The following ADAMTS18 variants were observed in gnomAD, a reference collection of about 807,000 sequenced individuals.
ADAMTS18 encodes the protein ADAM metallopeptidase with thrombospondin type 1 motif 18, also known as A disintegrin and metalloproteinase with thrombospondin motifs 18.
A neutral mutation model predicts 165.9 loss-of-function variants in ADAMTS18; 157 were observed. The ratio of observed to expected loss-of-function variants is 0.95; its 90% CI spans 0.83 to 1.08. ADAMTS18 has a LOEUF of 1.08. Among genes scored for constraint, ADAMTS18 ranks in the 50% least tolerant of loss-of-function variants. The pLI is 0.00. For missense variants in ADAMTS18, 2,040 were observed against 1,534.0 expected (o/e 1.33, Z -5.51); for synonymous variants, 782 against 578.2 (o/e 1.35, Z -5.06).
At position 77,361,988 on chromosome 16, in the gene ADAMTS18, A is replaced by C. The variant is rs1431401947; in HGVS notation, c.1216+117T>G. On this transcript the variant is annotated intron_variant, in intron 7 of 22. Transcript: ENST00000282849. ...CACAGGGTACATTAGGTTACTCCAT[A>C]ATTTAAATATTATGTCTGTTTATTA... 1.0e-5 allele frequency: 12 copies of C among 1,200,998 alleles called. No individual in the cohort carries two copies. The Admixed American group carries it at 2.1e-4, about 21-fold the overall frequency. 74.4% of individuals were successfully genotyped at this position (1,200,998 alleles called of 1,614,324 possible).
chr16:77,400,428 G>T (rs2057311182), intron 3 of ADAMTS18, among the ~76,000 whole-genome samples: 1 of 74,098 alleles, frequency 1.3e-5, no homozygotes, highest in African/African-American at 4.2e-5. Context: ...GGGGAATTGT[G>T]TGTGTGTGTG....
chr16:77,300,720 A>G lies in ADAMTS18; in HGVS notation c.2533-316T>C, dbSNP rs564645628. 2.0e-5 allele frequency among the ~76,000 whole-genome samples: 3 copies of G among 152,286 alleles called. No individual in the cohort carries two copies. In the South Asian group the frequency reaches 6.2e-4, roughly 32 times the overall value. The stretch of plus-strand genomic sequence containing the variant: ...CACTCACACACATATATGTATCATA[A>G]AGAAGAAAGAAAGGTTATACTGTTG... On this transcript the variant is annotated intron_variant, in intron 16 of 22. Coordinates refer to ENST00000282849, the MANE Select transcript of ADAMTS18 (RefSeq NM_199355.4).
At chr16:77,409,065 A>T (rs990971404) in intron 3 of ADAMTS18, among the ~76,000 whole-genome samples, 10 of 152,232 alleles carry the variant, frequency 6.6e-5, no homozygotes, top group Middle Eastern at 3.4e-3. Flanking sequence ...CATATATATA[A>T]AAATAAAGAA....
At chr16:77,368,740 T>C (rs1376530842) in intron 3 of ADAMTS18, among the ~76,000 whole-genome samples, 3 of 152,136 alleles carry the variant, frequency 2.0e-5, no homozygotes, top group Non-Finnish European at 4.4e-5. Flanking sequence ...TAAATCAATG[T>C]TTTTAAAAAA....
At chr16:77,348,917 T>C (rs777119151) in intron 10 of ADAMTS18, among the ~76,000 whole-genome samples, 3 of 152,128 alleles carry the variant, frequency 2.0e-5, no homozygotes, top group Non-Finnish European at 2.9e-5. Context: ...CCACACAGCA[T>C]ACTAGAATAA....
At chr16:77,389,763 G>T (rs1043388619) in intron 3 of ADAMTS18, among the ~76,000 whole-genome samples, 1 of 152,210 alleles carries the variant, frequency 6.6e-6, no homozygotes, top group East Asian at 1.9e-4. Context: ...AACTCCATGT[G>T]AGGGAGCAGA....
intron 3 of ADAMTS18, among the ~76,000 whole-genome samples, chr16:77,429,748 G>C (rs1013537423): frequency 7.9e-5 from 12 of 152,248 alleles, no homozygotes; most frequent in South Asian, 2.1e-4. Flanking sequence ...AGTCCTGAGA[G>C]TGCTAAACAT....
rs1481829391 is a variant in ADAMTS18, at chr16:77,334,707, G to A, written c.1859+1049C>T. Among the ~76,000 whole-genome samples the A allele has an allele frequency of 2.4e-3, 123 of 51,610 alleles. 2 individuals carry two copies. The highest frequency in any genetic ancestry group is 0.013 in the African/African-American group (120 of 9,022). 33.9% of individuals were successfully genotyped at this position (51,610 alleles called of 152,430 possible). ...TATATATATATAGTATATATATACT[G>A]TATACTATAGTATACTACTATATAC... On this transcript the variant is annotated intron_variant, in intron 12 of 22. Coordinates refer to ENST00000282849, the MANE Select transcript of ADAMTS18 (RefSeq NM_199355.4).
chr16:77,330,441 T>C (rs114390480), intron 12 of ADAMTS18, among the ~76,000 whole-genome samples: 1,641 of 152,294 alleles, frequency 0.011, 28 homozygotes, highest in African/African-American at 0.037. Flanking sequence ...ATTACCAGCA[T>C]GGGGACTTGA....
intron 3 of ADAMTS18, among the ~76,000 whole-genome samples, chr16:77,417,099 T>C (rs925754454): frequency 3.9e-5 from 6 of 152,284 alleles, no homozygotes; most frequent in African/African-American, 1.4e-4. Context: ...TAATATTAAT[T>C]TTGTTGCAGC....
At chr16:77,355,278 A>G (rs2056612663) in intron 9 of ADAMTS18, among the ~76,000 whole-genome samples, 1 of 151,264 alleles carries the variant, frequency 6.6e-6, no homozygotes, top group Non-Finnish European at 1.5e-5. Flanking sequence ...AAATAGTACA[A>G]CTTTCCAAAC....
intron 3 of ADAMTS18, among the ~76,000 whole-genome samples, chr16:77,371,726 A>C (rs2056879029): frequency 6.6e-6 from 1 of 152,194 alleles, no homozygotes; most frequent in Admixed American, 6.5e-5. Flanking sequence ...GATTTTTTGG[A>C]GAAAAACTCA....
At chr16:77,314,098 T>G (rs757550335) in intron 16 of ADAMTS18, among the ~76,000 whole-genome samples, 5 of 152,122 alleles carry the variant, frequency 3.3e-5, no homozygotes, top group Admixed American at 1.3e-4. Context: ...TAATAACAGC[T>G]TCTCTTGAGT....
At chr16:77,327,998 T>C (rs1331411875) in intron 12 of ADAMTS18, among the ~76,000 whole-genome samples, 1 of 152,144 alleles carries the variant, frequency 6.6e-6, no homozygotes, top group African/African-American at 2.4e-5. Context: ...AGGGAAAACA[T>C]TCTCTTGTTT....
chr16:77,382,098 A>T (rs1172588628), intron 3 of ADAMTS18, among the ~76,000 whole-genome samples: 1 of 152,224 alleles, frequency 6.6e-6, no homozygotes, highest in Non-Finnish European at 1.5e-5. Context: ...AATGCCAGAG[A>T]TACTCCACAT....
chr16:77,418,381 G>GCCC (rs1231488484), intron 3 of ADAMTS18, among the ~76,000 whole-genome samples: 3 of 152,132 alleles, frequency 2.0e-5, no homozygotes. Flanking sequence ...GGACAACTGT[G>GCCC]CCCCCAGGAA....
rs945897502 is a variant in ADAMTS18 at position 77,431,545 on chromosome 16, T to C, written c.245A>G (p.His82Arg). Reference protein sequence around the residue: ...AGSYISHDILHNGRKKRSAQN... With the variant: ...AGSYISHDILRNGRKKRSAQN... ...CGCCGATCGCTTTTTCCTGCCGTTGTGCAAAATGTCGTGTGAAATATATGA... is the reference window on the plus strand; with the variant it reads ...CGCCGATCGCTTTTTCCTGCCGTTGCGCAAAATGTCGTGTGAAATATATGA... The change falls in exon 3 of 23, where the codon CAC (histidine) becomes CGC (arginine). Residue 82 changes from histidine (H) to arginine (R), a missense_variant. Physicochemically the swap from His to Arg is conservative, Grantham distance 29 (BLOSUM62 0). Coordinates refer to ENST00000282849, the MANE Select transcript of ADAMTS18 (RefSeq NM_199355.4). 2.5e-6 allele frequency: 4 copies of C among 1,614,220 alleles called. No individual in the cohort carries two copies. The highest frequency in any genetic ancestry group is 1.1e-5 in the South Asian group (1 of 91,090).
chr16:77,347,071 T>C (rs1357126912), intron 10 of ADAMTS18, among the ~76,000 whole-genome samples: 1 of 152,236 alleles, frequency 6.6e-6, no homozygotes, highest in Non-Finnish European at 1.5e-5. Flanking sequence ...GAATGTACTC[T>C]TTTGTTCGGC....
intron 3 of ADAMTS18, among the ~76,000 whole-genome samples, chr16:77,423,062 T>C (rs764453242): frequency 2.6e-5 from 4 of 152,336 alleles, no homozygotes; most frequent in Non-Finnish European, 5.9e-5. Flanking sequence ...CAGGACCTAC[T>C]GAATGTTCAG....
Sources: gnomAD v4.1 joint callset for allele counts (sites outside exome capture counted in the v4.1 genomes callset) on GRCh38, gnomAD v4.1.1 for gene constraint, MANE v1.5 for transcripts, NCBI Gene and HGNC (gene_info 2026-07-23, HGNC 2026-07-21) for gene names.